LRMDA: variants seen among roughly 807,000 people sequenced by gnomAD.
LRMDA encodes the protein leucine-rich melanocyte differentiation-associated protein.
In LRMDA, 18 loss-of-function variants were observed where a neutral mutation model predicts 29.8. That is an observed-to-expected ratio of 0.60 (90% CI 0.42 to 0.90). LRMDA has a LOEUF of 0.90. Ranked by LOEUF, LRMDA falls within the 40% of genes least tolerant of loss-of-function variation. The pLI is 0.00. For missense variants in LRMDA, 273 were observed against 273.9 expected (o/e 1.00, Z 0.02); for synonymous variants, 125 against 109.4 (o/e 1.14, Z -0.89).
At chr10:75,560,393 G>T (rs916152839) in intron 2 of LRMDA, among the ~76,000 whole-genome samples, 3 of 150,626 alleles carry the variant, frequency 2.0e-5, no homozygotes, top group African/African-American at 4.9e-5. Flanking sequence ...TGTATCCTGA[G>T]ACTTTGCTGA....
intron 5 of LRMDA, among the ~76,000 whole-genome samples, chr10:76,072,750 GT>G (rs1407996779): frequency 1.3e-5 from 2 of 152,260 alleles, no homozygotes; most frequent in Non-Finnish European, 2.9e-5. Context: ...AAAGGGAGGT[GT>G]GCAACACTGT....
chr10:76,455,880 T>C (rs1451239661), intron 6 of LRMDA, among the ~76,000 whole-genome samples: 2 of 152,126 alleles, frequency 1.3e-5, no homozygotes, highest in East Asian at 1.9e-4. Context: ...CTGTTGTTAC[T>C]CTGGCTGTGT....
intron 2 of LRMDA, among the ~76,000 whole-genome samples, chr10:75,681,646 C>T (rs1842024087): frequency 6.6e-6 from 1 of 152,200 alleles, no homozygotes; most frequent in African/African-American, 2.4e-5. Flanking sequence ...ATAGCACAAG[C>T]ACACTTAGGG....
At chr10:76,462,083 A>AC (rs1842518977) in intron 6 of LRMDA, among the ~76,000 whole-genome samples, 1 of 148,170 alleles carries the variant, frequency 6.7e-6, no homozygotes, top group South Asian at 2.2e-4. Flanking sequence ...AAAACCACAC[A>AC]CACACACACA....
At chr10:76,484,347 A>C (rs1842761477) in intron 6 of LRMDA, among the ~76,000 whole-genome samples, 1 of 151,892 alleles carries the variant, frequency 6.6e-6, no homozygotes, top group Non-Finnish European at 1.5e-5. Flanking sequence ...ATTTCTCAAA[A>C]TCCCAACATT....
intron 5 of LRMDA, among the ~76,000 whole-genome samples, chr10:76,314,303 C>T (rs1211466009): frequency 6.6e-6 from 1 of 152,190 alleles, no homozygotes; most frequent in Non-Finnish European, 1.5e-5. Flanking sequence ...AACTCCTGGG[C>T]TCAAGTGATC....
At chr10:76,513,320 T>C (rs1383670739) in intron 6 of LRMDA, among the ~76,000 whole-genome samples, 2 of 152,214 alleles carry the variant, frequency 1.3e-5, no homozygotes, top group Non-Finnish European at 2.9e-5. Context: ...TACTTTTCAA[T>C]TTTTATTATA....
intron 6 of LRMDA, among the ~76,000 whole-genome samples, chr10:76,550,107 T>C (rs940012024): frequency 1.3e-5 from 2 of 152,194 alleles, no homozygotes; most frequent in African/African-American, 4.8e-5. Flanking sequence ...GATAAAGAAT[T>C]GATCCCATTG....
chr10:76,280,390 G>A (rs964689936), intron 5 of LRMDA, among the ~76,000 whole-genome samples: 1 of 152,138 alleles, frequency 6.6e-6, no homozygotes, highest in Non-Finnish European at 1.5e-5. Flanking sequence ...CAGTAGCAGA[G>A]TGAAGAATTA....
intron 2 of LRMDA, among the ~76,000 whole-genome samples, chr10:75,926,194 T>G (rs1416955357): frequency 6.6e-6 from 1 of 152,076 alleles, no homozygotes; most frequent in African/African-American, 2.4e-5. Flanking sequence ...GGGAAGGATT[T>G]TATTAGAACT....
intron 6 of LRMDA, among the ~76,000 whole-genome samples, chr10:76,356,635 G>A (rs947815267): frequency 6.6e-6 from 1 of 152,098 alleles, no homozygotes; most frequent in African/African-American, 2.4e-5. Flanking sequence ...GCCTCTATGG[G>A]TGACACATCC....
chr10:76,382,807 T>G (rs1035463620), intron 6 of LRMDA, among the ~76,000 whole-genome samples: 1 of 152,110 alleles, frequency 6.6e-6, no homozygotes, highest in East Asian at 1.9e-4. Flanking sequence ...CTGCTCCCAC[T>G]CTCCCCCAAG....
intron 2 of LRMDA, among the ~76,000 whole-genome samples, chr10:75,467,137 A>G (rs1844661606): frequency 6.6e-6 from 1 of 152,204 alleles, no homozygotes; most frequent in Non-Finnish European, 1.5e-5. Context: ...CGACGTGGAC[A>G]TATGGCAGTC....
chr10:76,508,267 A>T lies in LRMDA; in HGVS notation c.602-48942A>T, dbSNP rs113953211. 3.3e-3 allele frequency among the ~76,000 whole-genome samples: 501 copies of T among 152,262 alleles called. 1 individual carries two copies. The highest frequency in any genetic ancestry group is 5.8e-3 in the Non-Finnish European group (393 of 67,988). On this transcript the variant is annotated intron_variant, in intron 6 of 6. Transcript: ENST00000611255. ...GTATCTTGTGGGGAGATATTTTGAG[A>T]CTGTGTAAGTATCCTGTTCCACATG... is the stretch of plus-strand genomic sequence containing the variant.
At chr10:75,885,684 C>G (rs934163770) in intron 2 of LRMDA, among the ~76,000 whole-genome samples, 20 of 152,330 alleles carry the variant, frequency 1.3e-4, no homozygotes, top group African/African-American at 4.6e-4. Flanking sequence ...ACATCCAAAG[C>G]CATCAGGCTG....
chr10:76,146,132 AGGTGT>A (rs1169082696), intron 5 of LRMDA, among the ~76,000 whole-genome samples: 1 of 152,128 alleles, frequency 6.6e-6, no homozygotes, highest in African/African-American at 2.4e-5. Flanking sequence ...ATTTTGGAGT[AGGTGT>A]GGTGTGGTGC....
At chr10:75,645,856 T>G (rs535206745) in intron 2 of LRMDA, among the ~76,000 whole-genome samples, 72 of 152,222 alleles carry the variant, frequency 4.7e-4, no homozygotes, top group African/African-American at 1.6e-3. Flanking sequence ...CATTTATTCT[T>G]TCCCTTCTTC....
chr10:75,989,647 C>G (rs1847324881), intron 2 of LRMDA, among the ~76,000 whole-genome samples: 1 of 152,210 alleles, frequency 6.6e-6, no homozygotes, highest in Admixed American at 6.5e-5. Flanking sequence ...CAGAGTGCCT[C>G]TGTGTGCATT....
At chr10:75,842,767 C>T (rs577736429) in intron 2 of LRMDA, among the ~76,000 whole-genome samples, 2 of 152,084 alleles carry the variant, frequency 1.3e-5, no homozygotes, top group Admixed American at 1.3e-4. Flanking sequence ...GTGTCTGACA[C>T]CTATAATGCC....
Sources: gnomAD v4.1 joint callset for allele counts (sites outside exome capture counted in the v4.1 genomes callset) on GRCh38, gnomAD v4.1.1 for gene constraint, MANE v1.5 for transcripts, NCBI Gene and HGNC (gene_info 2026-07-23, HGNC 2026-07-21) for gene names.